The following ADAMTS19 variants were observed in gnomAD, a reference collection of about 807,000 sequenced individuals.
ADAMTS19 encodes the protein A disintegrin and metalloproteinase with thrombospondin motifs 19.
A neutral mutation model predicts 153.3 loss-of-function variants in ADAMTS19; 93 were observed. The ratio of observed to expected loss-of-function variants is 0.61; its 90% CI spans 0.51 to 0.72. The LOEUF is 0.72. Among genes scored for constraint, ADAMTS19 ranks in the 30% least tolerant of loss-of-function variants. The pLI, the probability that ADAMTS19 is intolerant of heterozygous loss-of-function variation, is 0.00. For missense variants in ADAMTS19, 1,482 were observed against 1,552.1 expected, an observed-to-expected ratio of 0.95 and a Z score of 0.76; for synonymous variants, 600 against 556.6, an observed-to-expected ratio of 1.08 and a Z score of -1.10.
intron 7 of ADAMTS19, among the ~76,000 whole-genome samples, chr5:129,554,887 C>CAT (rs1019338433): frequency 7.9e-5 from 12 of 151,964 alleles, no homozygotes; most frequent in African/African-American, 2.9e-4. Context: ...ATTAAATGAG[C>CAT]ATATATATAG....
At chr5:129,647,940 G>A in intron 12 of ADAMTS19, 45 bp downstream of exon 12, 1 of 1,575,474 alleles carries the variant, frequency 6.3e-7, no homozygotes, top group Non-Finnish European at 8.7e-7. Flanking sequence ...TTTCAATTTT[G>A]GAATGCAAAG....
intron 19 of ADAMTS19, among the ~76,000 whole-genome samples, chr5:129,700,875 A>C (rs1027762731): frequency 1.3e-5 from 2 of 151,908 alleles, no homozygotes; most frequent in Admixed American, 1.3e-4. Flanking sequence ...AAGCCTGGGC[A>C]TCTTGCAGAA....
At chr5:129,499,529 G>T (rs993675905) in intron 2 of ADAMTS19, among the ~76,000 whole-genome samples, 144 of 152,114 alleles carry the variant, frequency 9.5e-4, no homozygotes, top group African/African-American at 3.4e-3. Context: ...AAATGTCAAA[G>T]GAAAAGATAG....
chr5:129,578,491 G>T (rs1296971336), intron 7 of ADAMTS19, among the ~76,000 whole-genome samples: 2 of 151,650 alleles, frequency 1.3e-5, no homozygotes, highest in Admixed American at 6.6e-5. Flanking sequence ...GGGTACATGT[G>T]CAGAATGTGC....
chr5:129,580,408 ATT>A (rs1270200951), intron 7 of ADAMTS19, among the ~76,000 whole-genome samples: 1 of 152,160 alleles, frequency 6.6e-6, no homozygotes, highest in African/African-American at 2.4e-5. Context: ...CTCTATTCCT[ATT>A]TGAATACCCT....
chr5:129,625,406 C>T (rs1221892546), intron 10 of ADAMTS19, among the ~76,000 whole-genome samples: 2 of 152,134 alleles, frequency 1.3e-5, no homozygotes, highest in East Asian at 1.9e-4. Context: ...CTTGAGGAAT[C>T]GCCACACTGT....
chr5:129,639,376 TTCTAAA>T (rs1366064796), intron 10 of ADAMTS19, among the ~76,000 whole-genome samples: 1 of 152,214 alleles, frequency 6.6e-6, no homozygotes, highest in African/African-American at 2.4e-5. Context: ...TGGTTTGAAC[TTCTAAA>T]TCTGAGTTAT....
chr5:129,637,478 A>G (rs767990535), intron 10 of ADAMTS19, among the ~76,000 whole-genome samples: 32 of 152,212 alleles, frequency 2.1e-4, no homozygotes, highest in Non-Finnish European at 4.1e-4. Context: ...TGGATATCAC[A>G]GATTTTAGAA....
At chr5:129,564,006 G>A (rs1025430507) in intron 7 of ADAMTS19, among the ~76,000 whole-genome samples, 1 of 151,848 alleles carries the variant, frequency 6.6e-6, no homozygotes, top group African/African-American at 2.4e-5. Flanking sequence ...TGGAACCTCC[G>A]CCTCCTGGGT....
intron 7 of ADAMTS19, among the ~76,000 whole-genome samples, chr5:129,579,514 A>G (rs1310381143): frequency 6.6e-6 from 1 of 152,176 alleles, no homozygotes; most frequent in African/African-American, 2.4e-5. Context: ...GCCTTTGCCC[A>G]TGCCTGTGTC....
chr5:129,581,196 T>C lies in ADAMTS19; in HGVS notation c.1373-15363T>C, dbSNP rs565168340. ...ATGTGTCCAGGAATTTATCTATTTC[T>C]TCTAGATTTTCTAGTTTATTTGCAT... On this transcript the variant is annotated intron_variant, in intron 7 of 22. Coordinates refer to ENST00000274487, the MANE Select transcript of ADAMTS19 (RefSeq NM_133638.6). Among the ~76,000 whole-genome samples the C allele has an allele frequency of 2.0e-5, 3 of 152,160 alleles. No individual in the cohort carries two copies. The South Asian group carries it at 6.2e-4, about 32-fold the overall frequency.
intron 2 of ADAMTS19, among the ~76,000 whole-genome samples, chr5:129,488,908 T>C (rs1031780093): frequency 3.9e-5 from 6 of 152,026 alleles, no homozygotes; most frequent in African/African-American, 1.2e-4. Context: ...TTAGCATACG[T>C]TGGGATGCTG....
At chr5:129,705,829 A>G (rs17163049) in intron 21 of ADAMTS19, among the ~76,000 whole-genome samples, 8,234 of 152,180 alleles carry the variant, frequency 0.054, 739 homozygotes, top group African/African-American at 0.19. Flanking sequence ...GACAATTCTC[A>G]CTCCCTCTTT....
chr5:129,547,078 C>T lies in ADAMTS19; in HGVS notation c.1329-4786C>T, dbSNP rs555644551. On this transcript the variant is annotated intron_variant, in intron 6 of 22. Transcript: ENST00000274487. ...TCCAGAACCTGAAAATATGTTATCC[C>T]ATATGGAAGAAATGACTGTGCAGAT... Among the ~76,000 whole-genome samples the T allele has an allele frequency of 2.7e-5, 4 of 150,872 alleles. No homozygotes were observed. The South Asian group carries it at 8.3e-4, about 31-fold the overall frequency.
intron 6 of ADAMTS19, among the ~76,000 whole-genome samples, chr5:129,549,617 AAC>A (rs1265361573): frequency 1.3e-5 from 2 of 151,624 alleles, no homozygotes; most frequent in Non-Finnish European, 3.0e-5. Flanking sequence ...ATGGAATTTT[AAC>A]AGTCTTTTGT....
chr5:129,680,741 G>A (rs1754765462), intron 17 of ADAMTS19, among the ~76,000 whole-genome samples: 1 of 145,124 alleles, frequency 6.9e-6, no homozygotes, highest in Non-Finnish European at 1.5e-5. Context: ...CAGCCTGGGT[G>A]ACAGAGGGAG....
At chr5:129,570,946 A>G (rs1242922010) in intron 7 of ADAMTS19, among the ~76,000 whole-genome samples, 1 of 151,960 alleles carries the variant, frequency 6.6e-6, no homozygotes, top group Non-Finnish European at 1.5e-5. Flanking sequence ...CATCTACTGA[A>G]AAGAAAAAAG....
At chr5:129,546,440 C>T (rs2126809834) in intron 6 of ADAMTS19, among the ~76,000 whole-genome samples, 1 of 149,824 alleles carries the variant, frequency 6.7e-6, no homozygotes, top group South Asian at 2.1e-4. Context: ...GTACCTTGAC[C>T]CATCTTCGTG....
chr5:129,723,709 G>A (rs1757095097), intron 21 of ADAMTS19, among the ~76,000 whole-genome samples: 2 of 152,146 alleles, frequency 1.3e-5, no homozygotes, highest in Non-Finnish European at 2.9e-5. Context: ...GTCAAACTGT[G>A]TAAAATATTT....
Sources: gnomAD v4.1 joint callset for allele counts (sites outside exome capture counted in the v4.1 genomes callset) on GRCh38, gnomAD v4.1.1 for gene constraint, MANE v1.5 for transcripts, NCBI Gene and HGNC (gene_info 2026-07-23, HGNC 2026-07-21) for gene names.